Variants in VPS35L observed in about 807,000 individuals in gnomAD.
VPS35L encodes the protein VPS35 endosomal protein-sorting factor-like.
In VPS35L, 83 loss-of-function variants were observed where a neutral mutation model predicts 133.0. The ratio of observed to expected loss-of-function variants is 0.62; its 90% confidence interval spans 0.52 to 0.75. VPS35L has a LOEUF of 0.75. VPS35L is among the 30% of genes least tolerant of loss of function. The pLI is 0.00. For missense variants in VPS35L, 1,083 were observed against 1,206.8 expected (o/e 0.90, Z 1.52); for synonymous variants, 423 against 449.9 (o/e 0.94, Z 0.76).
At chr16:19,564,693 C>T (rs1971132550) in intron 1 of VPS35L, among the ~76,000 whole-genome samples, 158 bp from the exon 2 acceptor site, 1 of 152,224 alleles carries the variant, frequency 6.6e-6, no homozygotes, top group South Asian at 2.1e-4. Context: ...GCCACTGCGC[C>T]TGGCCAAAAA....
At chr16:19,665,297 G>A (rs574073143) in intron 26 of VPS35L, among the ~76,000 whole-genome samples, 2 of 152,066 alleles carry the variant, frequency 1.3e-5, no homozygotes, top group Admixed American at 6.6e-5. Flanking sequence ...TATTTTGTAC[G>A]CAGTAACCAT....
At chr16:19,643,785 T>A (rs1344871047) in intron 22 of VPS35L, among the ~76,000 whole-genome samples, 33 of 144,682 alleles carry the variant, frequency 2.3e-4, no homozygotes, top group African/African-American at 8.3e-4. Flanking sequence ...GTCTCTACTT[T>A]AAAAAAAAAA....
chr16:19,573,804 C>T (rs1971454440), intron 4 of VPS35L, among the ~76,000 whole-genome samples: 1 of 151,762 alleles, frequency 6.6e-6, no homozygotes, highest in African/African-American at 2.4e-5. Context: ...CAGAGTGAGA[C>T]CCTATCTCAA....
intron 24 of VPS35L, among the ~76,000 whole-genome samples, chr16:19,648,894 A>AAAG (rs1974038149): frequency 6.9e-6 from 1 of 144,774 alleles, no homozygotes. Context: ...AAAAAAAAAA[A>AAAG]AAGTTAGGTT....
At position 19,613,312 on chromosome 16, in the gene VPS35L, C is replaced by CAAACA. The variant is rs530592097; in HGVS notation, c.1024-2799_1024-2798insCAAAA. On this transcript the variant is annotated intron_variant, in intron 12 of 30. Coordinates refer to ENST00000417362, the MANE Select transcript of VPS35L (RefSeq NM_020314.7). ...AGCAAGACTGCCTCAAACAAACAAACAAAAAGAGACAGCCTGTGTATTAGT... is the reference window on the plus strand; with the variant it reads ...AGCAAGACTGCCTCAAACAAACAAACAAACAAAAAAGAGACAGCCTGTGTATTAGT... Among the ~76,000 whole-genome samples, 17 of 152,156 alleles carry CAAACA rather than the reference C, an allele frequency of 1.1e-4. No homozygotes were observed. The East Asian group carries it at 2.1e-3, about 19-fold the overall frequency.
Position 19,651,576 on chromosome 16 carries a change from T to TA in VPS35L, c.2107-394dup, listed in dbSNP as rs200171543. Reference sequence around the variant, plus strand: ...TGAAATTATACTGAAAAGATTACAGTAAAAAATAAGCATCCTGGCTCTGCC... The same window carrying TA: ...TGAAATTATACTGAAAAGATTACAGTAAAAAAATAAGCATCCTGGCTCTGCC... On this transcript the variant is annotated intron_variant, in intron 25 of 30. Transcript: ENST00000417362. Among the ~76,000 whole-genome samples, 936 of 152,272 alleles carry TA rather than the reference T, an allele frequency of 6.1e-3. 8 individuals are homozygous for TA. The highest frequency in any genetic ancestry group is 0.021 in the African/African-American group (874 of 41,544).
intron 27 of VPS35L, among the ~76,000 whole-genome samples, chr16:19,678,874 C>T (rs1180856922): frequency 6.6e-6 from 1 of 152,080 alleles, no homozygotes; most frequent in African/African-American, 2.4e-5. Flanking sequence ...AATAGTCTCC[C>T]AGCTCTTCGG....
intron 8 of VPS35L, among the ~76,000 whole-genome samples, chr16:19,599,157 A>G (rs1972305175): frequency 6.6e-6 from 1 of 152,202 alleles, no homozygotes; most frequent in Non-Finnish European, 1.5e-5. Context: ...AGGGGCTTCT[A>G]AATGGAGCCA....
At chr16:19,565,137 C>T (rs1163952186) in intron 2 of VPS35L, among the ~76,000 whole-genome samples, 187 bp downstream of exon 2, 1 of 151,130 alleles carries the variant, frequency 6.6e-6, no homozygotes, top group Non-Finnish European at 1.5e-5. Flanking sequence ...CCTCTGACCT[C>T]TGCCTCCTGG....
chr16:19,596,447 T>G (rs1248204984), intron 8 of VPS35L, among the ~76,000 whole-genome samples: 1 of 151,720 alleles, frequency 6.6e-6, no homozygotes, highest in Non-Finnish European at 1.5e-5. Flanking sequence ...GCGAATTTTT[T>G]TTTTTTTTTT....
intron 8 of VPS35L, among the ~76,000 whole-genome samples, chr16:19,594,383 C>T (rs906072517): frequency 6.6e-6 from 1 of 152,086 alleles, no homozygotes; most frequent in Admixed American, 6.6e-5. Context: ...GTGGCTCACG[C>T]CTATAATCCT....
At chr16:19,594,491 A>G (rs1972139033) in intron 8 of VPS35L, among the ~76,000 whole-genome samples, 1 of 151,884 alleles carries the variant, frequency 6.6e-6, no homozygotes, top group African/African-American at 2.4e-5. Flanking sequence ...TAAAAATATA[A>G]AAATTAGCCA....
At position 19,666,667 on chromosome 16, in the gene VPS35L, G is replaced by T. The variant is rs149412756; in HGVS notation, c.2222-2493G>T. ...TCTTTTTAATGAGGCATAATAATAG[G>T]CACATTCTCTGGGCCAGTCAGTAAC... is the stretch of plus-strand genomic sequence containing the variant. On this transcript the variant is annotated intron_variant, in intron 26 of 30. Coordinates refer to ENST00000417362, the MANE Select transcript of VPS35L (RefSeq NM_020314.7). Among the ~76,000 whole-genome samples, 1,047 of 152,174 alleles carry T rather than the reference G, an allele frequency of 6.9e-3. 14 individuals carry two copies. The highest frequency in any genetic ancestry group is 0.024 in the African/African-American group (1,012 of 41,512).
intron 26 of VPS35L, among the ~76,000 whole-genome samples, chr16:19,663,669 C>CTTTTTTTTTTTTTTTTTTT (rs59826351): frequency 6.3e-5 from 4 of 63,914 alleles, no homozygotes; most frequent in African/African-American, 2.9e-4. Context: ...GCAGTAATTT[C>CTTTTTTTTTTTTTTTTTTT]TTTTTTTTTT....
chr16:19,590,499 G>T (rs541081576), intron 7 of VPS35L, among the ~76,000 whole-genome samples: 12 of 151,852 alleles, frequency 7.9e-5, no homozygotes, highest in Admixed American at 6.6e-4. Flanking sequence ...AAGTCTTCAG[G>T]GCATGGCATT....
intron 7 of VPS35L, among the ~76,000 whole-genome samples, chr16:19,589,158 G>T (rs1323458963): frequency 6.6e-6 from 1 of 152,096 alleles, no homozygotes; most frequent in African/African-American, 2.4e-5. Flanking sequence ...CAATTTTTAA[G>T]ATGTATTCTG....
At chr16:19,634,976 C>T (rs543899517) in intron 19 of VPS35L, among the ~76,000 whole-genome samples, 8 of 152,250 alleles carry the variant, frequency 5.3e-5, no homozygotes, top group Admixed American at 4.6e-4. Context: ...ACCTGTATAG[C>T]ATTTCAGTTG....
chr16:19,562,217 C>G (rs1179245025), intron 1 of VPS35L, among the ~76,000 whole-genome samples: 3 of 152,032 alleles, frequency 2.0e-5, no homozygotes, highest in Non-Finnish European at 4.4e-5. Flanking sequence ...GCCTCAGCTC[C>G]TAATGCAACA....
chr16:19,606,875 C>T (rs765765900), intron 9 of VPS35L, among the ~76,000 whole-genome samples: 3 of 152,204 alleles, frequency 2.0e-5, no homozygotes, highest in Non-Finnish European at 2.9e-5. Flanking sequence ...GCCTCAAACT[C>T]CTGGGCTCTA....
Sources: gnomAD v4.1 joint callset for allele counts (sites outside exome capture counted in the v4.1 genomes callset) on GRCh38, gnomAD v4.1.1 for gene constraint, MANE v1.5 for transcripts, NCBI Gene and HGNC (gene_info 2026-07-23, HGNC 2026-07-21) for gene names.